Variants in GNB4 observed in about 807,000 individuals in gnomAD.
GNB4 encodes the protein G protein subunit beta 4.
A neutral mutation model predicts 45.2 loss-of-function variants in GNB4; 28 were observed. The ratio of observed to expected loss-of-function variants is 0.62; its 90% CI spans 0.46 to 0.85. The LOEUF (loss-of-function observed/expected upper bound fraction) is 0.85. Among genes scored for constraint, GNB4 ranks in the 40% least tolerant of loss-of-function variants. The pLI is 0.00. For missense variants in GNB4, 321 were observed against 425.4 expected (o/e 0.75, Z 2.16); for synonymous variants, 132 against 143.7 (o/e 0.92, Z 0.58).
rs988372483 is a variant in GNB4, at chr3:179,396,719, A to G, written c.*4494T>C. ...ATCAACATGCAAACATTTGCTAAAT[A>G]CAAGGTGTACCATCAATGTGTGATT... is the stretch of plus-strand genomic sequence containing the variant. On this transcript the variant is annotated 3_prime_UTR_variant, in exon 10 of 10. Transcript: ENST00000232564. 4.9e-5 allele frequency: 7 copies of G among 143,530 alleles called. No homozygotes were observed. Among genetic ancestry groups the G allele is most frequent in the African/African-American group, 1.6e-4 (6 of 37,890 alleles). 8.9% of individuals were successfully genotyped at this position (143,530 alleles called of 1,614,324 possible). A position where few individuals can be genotyped will look rare whatever the true frequency, so the allele number is the denominator to read the frequency against.
Position 179,400,100 on chromosome 3 carries a change from A to AAT in GNB4, c.*1112_*1113insAT, listed in dbSNP as rs1437341445. On this transcript the variant is annotated 3_prime_UTR_variant, in exon 10 of 10. Coordinates refer to ENST00000232564, the MANE Select transcript of GNB4 (RefSeq NM_021629.4). ...AGTATTTTGTGCTAAGGAAGGGAAG[A>AAT]AATACTACAAAATGTTGCAAAACAG... The AAT allele has an allele frequency of 6.6e-6, 1 of 152,258 alleles. No homozygotes were observed. The highest frequency in any genetic ancestry group is 1.5e-5 in the Non-Finnish European group (1 of 68,038). 9.4% of individuals were successfully genotyped at this position (152,258 alleles called of 1,614,324 possible). A position where few individuals can be genotyped will look rare whatever the true frequency, so the allele number is the denominator to read the frequency against.
At chr3:179,470,719 A>G in the GNB4 span, among the ~76,000 whole-genome samples, 1 of 151,662 alleles carries the variant, frequency 6.6e-6, no homozygotes, top group Non-Finnish European at 1.5e-5. Flanking sequence ...AATTTTTTGT[A>G]GTTTTAGTAG....
chr3:179,397,021 T>C lies in GNB4; in HGVS notation c.*4192A>G, dbSNP rs1714139306. ...TAACAGGAGAAATCATTTAAAATTT[T>C]GCTTTTTCACAATGGCAAAAAGGAA... On this transcript the variant is annotated 3_prime_UTR_variant, in exon 10 of 10. Transcript: ENST00000232564. 6.6e-6 allele frequency: 1 copy of C among 152,232 alleles called. No homozygotes were observed. Among genetic ancestry groups the C allele is most frequent in the South Asian group, 2.1e-4 (1 of 4,834 alleles). 9.4% of individuals were successfully genotyped at this position (152,232 alleles called of 1,614,324 possible).
chr3:179,455,548 A>G (rs556421074), upstream of GNB4, among the ~76,000 whole-genome samples: 9 of 152,216 alleles, frequency 5.9e-5, no homozygotes, highest in East Asian at 5.8e-4. Flanking sequence ...TCACTAATCA[A>G]TCGTGGACTC....
upstream of GNB4, among the ~76,000 whole-genome samples, chr3:179,453,803 A>G (rs539373061): frequency 3.3e-5 from 5 of 152,256 alleles, no homozygotes; most frequent in East Asian, 7.7e-4. Flanking sequence ...TCTACTTCCA[A>G]GAATATTGTA....
At chr3:179,409,267 T>C (rs1560211554) in intron 8 of GNB4, among the ~76,000 whole-genome samples, 1 of 151,986 alleles carries the variant, frequency 6.6e-6, no homozygotes, top group Non-Finnish European at 1.5e-5. Flanking sequence ...TCCCAGCACT[T>C]TGGGAGGCCG....
intron 2 of GNB4, 109 bp downstream of exon 2, chr3:179,426,035 C>T: frequency 1.2e-6 from 1 of 805,644 alleles, no homozygotes. Context: ...AAAAAAAGAC[C>T]ATTTCTAGCC....
intron 1 of GNB4, among the ~76,000 whole-genome samples, chr3:179,440,797 C>G (rs1414358408): frequency 2.0e-5 from 3 of 151,912 alleles, no homozygotes; most frequent in African/African-American, 4.8e-5. Flanking sequence ...AAACCTAATG[C>G]AGAGTACATG....
chr3:179,422,226 C>T (rs542488263), intron 2 of GNB4, among the ~76,000 whole-genome samples: 146 of 152,198 alleles, frequency 9.6e-4, no homozygotes, highest in African/African-American at 3.5e-3. Flanking sequence ...TGTTGGAATA[C>T]AAGAATTCTA....
At chr3:179,459,601 G>C in the GNB4 span, among the ~76,000 whole-genome samples, 12 of 151,874 alleles carry the variant, frequency 7.9e-5, no homozygotes, top group Middle Eastern at 3.4e-3. Context: ...AGAATCGCTT[G>C]AACCTGGGAG....
At chr3:179,438,444 C>T (rs1715515976) in intron 1 of GNB4, among the ~76,000 whole-genome samples, 1 of 152,178 alleles carries the variant, frequency 6.6e-6, no homozygotes, top group African/African-American at 2.4e-5. Flanking sequence ...AAATAATACA[C>T]ATTTTTTAAT....
chr3:179,416,472 A>T (rs1577029675), intron 5 of GNB4, 21 bp downstream of exon 5: 1 of 1,399,604 alleles, frequency 7.1e-7, no homozygotes, highest in East Asian at 2.4e-5. Flanking sequence ...GTTATTTAAA[A>T]GAATTATGAA....
intron 5 of GNB4, among the ~76,000 whole-genome samples, chr3:179,416,275 A>AT (rs748020244): frequency 3.3e-5 from 5 of 152,234 alleles, no homozygotes; most frequent in Non-Finnish European, 7.3e-5. Flanking sequence ...CATATATTAA[A>AT]TATGAGCCCT....
the GNB4 span, among the ~76,000 whole-genome samples, chr3:179,469,015 T>C: frequency 2.6e-5 from 4 of 152,226 alleles, no homozygotes; most frequent in East Asian, 7.7e-4. Context: ...CTATGGATTC[T>C]AGGTCTTTTA....
At chr3:179,448,769 C>T (rs576874124) in intron 1 of GNB4, among the ~76,000 whole-genome samples, 4 of 152,198 alleles carry the variant, frequency 2.6e-5, no homozygotes, top group African/African-American at 7.2e-5. Context: ...ACTACGCTTC[C>T]TCAAGGTGAG....
chr3:179,460,558 A>G, the GNB4 span, among the ~76,000 whole-genome samples: 1 of 152,212 alleles, frequency 6.6e-6, no homozygotes, highest in African/African-American at 2.4e-5. Flanking sequence ...TTAGTTGATA[A>G]AGCAGCAGCT....
the GNB4 span, among the ~76,000 whole-genome samples, chr3:179,480,891 A>G: frequency 6.8e-5 from 9 of 133,038 alleles, no homozygotes; most frequent in African/African-American, 2.0e-4. Flanking sequence ...TTGCTCTGTC[A>G]CCCAGGCTGG....
upstream of GNB4, among the ~76,000 whole-genome samples, chr3:179,453,178 A>G (rs1715927028): frequency 6.6e-6 from 1 of 152,130 alleles, no homozygotes; most frequent in African/African-American, 2.4e-5. Flanking sequence ...GTCACTGTGC[A>G]GTGATGTGAT....
At chr3:179,527,218 C>A in the GNB4 span, among the ~76,000 whole-genome samples, 1 of 152,066 alleles carries the variant, frequency 6.6e-6, no homozygotes, top group African/African-American at 2.4e-5. Flanking sequence ...TTGTTCTCAG[C>A]CTGGAAGACG....
Sources: allele counts gnomAD v4.1 joint callset (sites outside exome capture counted in the v4.1 genomes callset), GRCh38; gene constraint gnomAD v4.1.1; transcripts MANE v1.5; gene names NCBI Gene and HGNC (gene_info 2026-07-23, HGNC 2026-07-21).